The following PNPT1 variants were observed in gnomAD, a reference collection of about 807,000 sequenced individuals.
PNPT1 encodes polyribonucleotide nucleotidyltransferase 1, mitochondrial.
A neutral mutation model predicts 119.5 loss-of-function variants in PNPT1; 53 were observed. The observed-to-expected ratio is 0.44, with a 90% CI of 0.36 to 0.56. The LOEUF (loss-of-function observed/expected upper bound fraction) is 0.56, where lower values mean the gene tolerates loss of function less well. PNPT1 is among the 20% of genes least tolerant of loss of function. The pLI, the probability that PNPT1 is intolerant of heterozygous loss-of-function variation, is 0.00. For synonymous variants in PNPT1, 357 were observed against 322.1 expected (o/e 1.11, Z -1.16); for missense variants, 948 against 938.5 (o/e 1.01, Z -0.13).
chr2:55,685,086 T>C (rs368388305), intron 3 of PNPT1, 38 bp from the exon 4 acceptor site: 71 of 1,497,108 alleles, frequency 4.7e-5, no homozygotes, highest in Non-Finnish European at 6.1e-5. Flanking sequence ...ATAATTCTTT[T>C]TGCAGAAACA....
At chr2:55,652,787 G>C (rs116819324) in intron 18 of PNPT1, among the ~76,000 whole-genome samples, 2 of 152,340 alleles carry the variant, frequency 1.3e-5, no homozygotes, top group African/African-American at 2.4e-5. Context: ...AAAACAGAAA[G>C]TGAATTAACT....
intron 18 of PNPT1, among the ~76,000 whole-genome samples, chr2:55,649,358 TTC>T: frequency 6.6e-6 from 1 of 152,356 alleles, no homozygotes; most frequent in Non-Finnish European, 1.5e-5. Context: ...TCCTCCTGCA[TTC>T]TTTGGTTGAA....
intron 1 of PNPT1, among the ~76,000 whole-genome samples, chr2:55,691,246 T>C (rs898224067): frequency 6.6e-6 from 1 of 152,238 alleles, no homozygotes; most frequent in South Asian, 2.1e-4. Context: ...TGATACATAG[T>C]AGATGCTCAA....
At chr2:55,642,505 A>G (rs1271122676) in intron 25 of PNPT1, among the ~76,000 whole-genome samples, 2 of 146,008 alleles carry the variant, frequency 1.4e-5, no homozygotes, top group Non-Finnish European at 3.0e-5. Flanking sequence ...GCTACCGGGG[A>G]GGATGAGGCA....
rs764932743 is a variant in PNPT1 at position 55,693,675 on chromosome 2, T to A, written c.149A>T (p.Asp50Val). 1 of 1,614,240 alleles carries A rather than the reference T, an allele frequency of 6.2e-7. No individual in the cohort carries two copies. The highest frequency in any genetic ancestry group is 8.5e-7 in the Non-Finnish European group (1 of 1,180,042). The change falls in exon 1 of 28, where the codon GAC becomes GTC. Residue 50 changes from aspartate to valine, a missense_variant. Physicochemically the swap from Asp to Val is radical, Grantham distance 152. Coordinates refer to ENST00000447944, the MANE Select transcript of PNPT1 (RefSeq NM_033109.5). ...CGTCACTCCTTACCTGTTGCCTAAGTCCACGGCCACAGCTCGAGACCCTGC... is the reference window on the plus strand; with the variant it reads ...CGTCACTCCTTACCTGTTGCCTAAGACCACGGCCACAGCTCGAGACCCTGC... ...SSAGSRAVAV[D>V]LGNRKLEISS...
chr2:55,645,509 G>T, intron 21 of PNPT1, 77 bp from the exon 22 acceptor site: 1 of 926,260 alleles, frequency 1.1e-6, no homozygotes, highest in Admixed American at 2.1e-5. Context: ...AGTTTTCACG[G>T]TATACAATCT....
At chr2:55,662,242 A>G (rs1020364170) in intron 13 of PNPT1, among the ~76,000 whole-genome samples, 3 of 152,232 alleles carry the variant, frequency 2.0e-5, no homozygotes, top group African/African-American at 7.2e-5. Context: ...CATCACATAG[A>G]CTACATATGT....
At chr2:55,674,993 G>A (rs903357725) in intron 8 of PNPT1, among the ~76,000 whole-genome samples, 4 of 152,132 alleles carry the variant, frequency 2.6e-5, no homozygotes, top group Admixed American at 2.6e-4. Context: ...AGGTGTGATG[G>A]CTCATGCCTA....
chr2:55,641,888 C>A (rs999155513), intron 25 of PNPT1, among the ~76,000 whole-genome samples: 1 of 151,648 alleles, frequency 6.6e-6, no homozygotes, highest in East Asian at 1.9e-4. Flanking sequence ...GTCGCCCAGG[C>A]TGGAGTGCAG....
Position 55,693,713 on chromosome 2 carries a change from T to C in PNPT1, c.111A>G (p.Ala37=). The change falls in exon 1 of 28, where the codon GCA becomes GCG. Residue 37 remains alanine (A), a synonymous_variant. Coordinates refer to ENST00000447944, the MANE Select transcript of PNPT1 (RefSeq NM_033109.5). Reference sequence around the variant, plus strand: ...CTCGAGACCCTGCGCTACTCCATAGTGCTCGCACTTGCAACTGGGTGAGTG... The same window carrying C: ...CTCGAGACCCTGCGCTACTCCATAGCGCTCGCACTTGCAACTGGGTGAGTG... ...DRALTQLQVR[A]LWSSAGSRAV... is the part of the protein sequence containing the mutation. 6.2e-7 allele frequency: 1 copy of C among 1,614,204 alleles called. No homozygotes were observed. Among genetic ancestry groups the C allele is most frequent in the South Asian group, 1.1e-5 (1 of 91,086 alleles).
chr2:55,686,529 A>G (rs1050252245), intron 2 of PNPT1, 85 bp from the exon 3 acceptor site: 7 of 947,906 alleles, frequency 7.4e-6, no homozygotes, highest in Non-Finnish European at 1.1e-5. Flanking sequence ...CCTTACTCCA[A>G]TTAAACTCAA....
chr2:55,635,379 A>G lies in PNPT1; in HGVS notation c.*858T>C, dbSNP rs1018949361. 11 of 151,154 alleles carry G rather than the reference A, an allele frequency of 7.3e-5. No individual in the cohort carries two copies. The highest frequency in any genetic ancestry group is 2.7e-4 in the African/African-American group (11 of 41,008). The allele number at this position is 151,154 out of a possible 1,614,324, so 9.4% of individuals were successfully genotyped here. ...GCCTGAGCTGGAGTGCAATGGCGCA[A>G]TCTCGGCTCACTACAACCTCCACCT... On this transcript the variant is annotated 3_prime_UTR_variant, in exon 28 of 28. Coordinates refer to ENST00000447944, the MANE Select transcript of PNPT1 (RefSeq NM_033109.5).
intron 18 of PNPT1, among the ~76,000 whole-genome samples, chr2:55,654,531 ACC>A (rs1011336376): frequency 5.3e-5 from 8 of 152,220 alleles, no homozygotes; most frequent in Admixed American, 5.2e-4. Flanking sequence ...TTACTGGGTC[ACC>A]AATGCAAATA....
At chr2:55,644,524 TTCTC>T (rs1695928235) in intron 23 of PNPT1, 109 bp downstream of exon 23, 2 of 681,922 alleles carry the variant, frequency 2.9e-6, no homozygotes, top group South Asian at 5.9e-5. Context: ...CTCCTGGTCT[TTCTC>T]TCATTTCTCA....
chr2:55,684,292 C>T (rs1697331721), intron 4 of PNPT1, among the ~76,000 whole-genome samples: 1 of 152,166 alleles, frequency 6.6e-6, no homozygotes, highest in Non-Finnish European at 1.5e-5. Flanking sequence ...GAGTTCAAGA[C>T]CAGCCTGACC....
chr2:55,644,623 C>A lies in PNPT1; in HGVS notation c.1906+14G>T. On this transcript the variant is annotated intron_variant, in intron 23 of 27. Coordinates refer to ENST00000447944, the MANE Select transcript of PNPT1 (RefSeq NM_033109.5). The stretch of plus-strand genomic sequence containing the variant: ...CATTTAATTAAAAAACCCCAAACTT[C>A]ATACAACTCTTACCTGTTTCAGCCT... The A allele has an allele frequency of 6.3e-7, 1 of 1,579,962 alleles. No homozygotes were observed. Among genetic ancestry groups the A allele is most frequent in the Non-Finnish European group, 8.7e-7 (1 of 1,151,034 alleles).
At chr2:55,654,312 G>C (rs1313711432) in intron 18 of PNPT1, among the ~76,000 whole-genome samples, 2 of 151,068 alleles carry the variant, frequency 1.3e-5, no homozygotes, top group Admixed American at 6.6e-5. Context: ...TGGCGTTTCA[G>C]ACCTGGGGAT....
intron 26 of PNPT1, among the ~76,000 whole-genome samples, chr2:55,638,322 G>C (rs1217603587): frequency 2.7e-5 from 4 of 147,196 alleles, no homozygotes; most frequent in Non-Finnish European, 6.0e-5. Flanking sequence ...AAAAAAATCA[G>C]TTAATTATAA....
chr2:55,653,083 A>G (rs915729135), intron 18 of PNPT1, among the ~76,000 whole-genome samples: 1 of 152,168 alleles, frequency 6.6e-6, no homozygotes, highest in Non-Finnish European at 1.5e-5. Context: ...CCTGACCTCA[A>G]GTGATCCACC....
Sources: gnomAD v4.1 joint callset for allele counts (sites outside exome capture counted in the v4.1 genomes callset) on GRCh38, gnomAD v4.1.1 for gene constraint, MANE v1.5 for transcripts, NCBI Gene and HGNC (gene_info 2026-07-23, HGNC 2026-07-21) for gene names.